The following FSTL5 variants were observed in gnomAD, a reference collection of about 807,000 sequenced individuals.
FSTL5 encodes the protein follistatin-related protein 5.
A neutral mutation model predicts 89.1 loss-of-function variants in FSTL5; 62 were observed. The observed-to-expected ratio is 0.70, with a 90% CI of 0.57 to 0.86. The LOEUF (loss-of-function observed/expected upper bound fraction) is 0.86, where lower values mean the gene tolerates loss of function less well. Among genes scored for constraint, FSTL5 ranks in the 40% least tolerant of loss-of-function variants. FSTL5 has a pLI of 0.00. For synonymous variants in FSTL5, 383 were observed against 346.2 expected (o/e 1.11, Z -1.18); for missense variants, 1,057 against 1,001.6 (o/e 1.06, Z -0.75).
At chr4:162,081,925 C>G (rs543960156) in intron 2 of FSTL5, among the ~76,000 whole-genome samples, 20 of 151,612 alleles carry the variant, frequency 1.3e-4, no homozygotes, top group Middle Eastern at 3.4e-3. Context: ...CCTAATAAAA[C>G]ATCTTAAACA....
At chr4:161,685,189 C>T (rs1737671086) in intron 6 of FSTL5, among the ~76,000 whole-genome samples, 1 of 152,066 alleles carries the variant, frequency 6.6e-6, no homozygotes, top group African/African-American at 2.4e-5. Context: ...TGTGGTGTCT[C>T]CAGATATGTT....
chr4:161,573,812 G>T (rs1285371549), intron 8 of FSTL5, among the ~76,000 whole-genome samples: 1 of 143,942 alleles, frequency 6.9e-6, no homozygotes, highest in Non-Finnish European at 1.5e-5. Flanking sequence ...GAAAACAAAA[G>T]AAAAGACAGA....
At chr4:161,869,512 G>A (rs17536537) in intron 4 of FSTL5, among the ~76,000 whole-genome samples, 2,545 of 152,268 alleles carry the variant, frequency 0.017, 37 homozygotes, top group South Asian at 0.027. Flanking sequence ...TCTAGGTAGA[G>A]ATTATGCTAA....
chr4:161,748,330 A>G (rs576143236), intron 6 of FSTL5, among the ~76,000 whole-genome samples: 22 of 152,300 alleles, frequency 1.4e-4, no homozygotes, highest in South Asian at 2.1e-4. Context: ...ACCTTTTTAA[A>G]CATAAATATG....
chr4:161,419,687 A>T (rs1426219103), intron 15 of FSTL5, among the ~76,000 whole-genome samples: 1 of 152,162 alleles, frequency 6.6e-6, no homozygotes, highest in East Asian at 1.9e-4. Context: ...ACTCAGAATA[A>T]ATTGCAACTG....
chr4:161,453,287 G>T (rs562639825), intron 15 of FSTL5, among the ~76,000 whole-genome samples: 2 of 152,100 alleles, frequency 1.3e-5, no homozygotes, highest in South Asian at 4.2e-4. Context: ...TAGGGAATAG[G>T]CAAGTGAGAT....
At chr4:162,154,653 C>T (rs1420865833) in intron 1 of FSTL5, among the ~76,000 whole-genome samples, 1 of 152,084 alleles carries the variant, frequency 6.6e-6, no homozygotes, top group Non-Finnish European at 1.5e-5. Flanking sequence ...GATGACCAAA[C>T]TCTAATATCA....
intron 6 of FSTL5, among the ~76,000 whole-genome samples, chr4:161,718,317 C>T (rs1739068180): frequency 6.6e-6 from 1 of 152,064 alleles, no homozygotes; most frequent in African/African-American, 2.4e-5. Flanking sequence ...AATTTATGAA[C>T]AGCATCTTGG....
At chr4:161,857,621 CTA>C (rs1191214637) in intron 4 of FSTL5, among the ~76,000 whole-genome samples, 1 of 152,058 alleles carries the variant, frequency 6.6e-6, no homozygotes, top group Non-Finnish European at 1.5e-5. Flanking sequence ...AAATTTATCT[CTA>C]TTTTAATTAT....
chr4:161,499,647 C>T (rs537200366), intron 12 of FSTL5, among the ~76,000 whole-genome samples: 12 of 152,188 alleles, frequency 7.9e-5, no homozygotes, highest in African/African-American at 2.4e-4. Context: ...AGCTTCCCAC[C>T]AGATTATGTA....
At chr4:161,680,169 A>C (rs1281213685) in intron 6 of FSTL5, among the ~76,000 whole-genome samples, 1 of 151,894 alleles carries the variant, frequency 6.6e-6, no homozygotes, top group Non-Finnish European at 1.5e-5. Context: ...TATGCTAAAA[A>C]TGAATATAAC....
chr4:162,107,029 C>T lies in FSTL5; in HGVS notation c.126+4242G>A, dbSNP rs533854912. Among the ~76,000 whole-genome samples the T allele has an allele frequency of 1.3e-4, 20 of 152,260 alleles. 1 individual carries two copies. In the South Asian group the frequency reaches 4.1e-3, roughly 32 times the overall value. On this transcript the variant is annotated intron_variant, in intron 2 of 15. Coordinates refer to ENST00000306100, the MANE Select transcript of FSTL5 (RefSeq NM_020116.5). ...ATGCATTGCATGGCACTTCTGCCCC[C>T]AACTCATTAGCCAGAACTAGACACA...
chr4:161,970,864 C>T (rs1560944123), intron 3 of FSTL5, among the ~76,000 whole-genome samples: 2 of 151,872 alleles, frequency 1.3e-5, no homozygotes, highest in African/African-American at 4.8e-5. Flanking sequence ...GCAATTGTAA[C>T]TGTATCAGTT....
rs756126068 is a variant in FSTL5, at chr4:162,122,026, CTG to C, written c.-16-10616_-16-10615del. Among the ~76,000 whole-genome samples the C allele has an allele frequency of 3.9e-5, 6 of 152,040 alleles. No homozygotes were observed. The South Asian group carries it at 6.2e-4, about 16-fold the overall frequency. On this transcript the variant is annotated intron_variant, in intron 1 of 15. Transcript: ENST00000306100. ...AACATACAAAGTACCTGCTAATTGA[CTG>C]TTTATGTTATAGGCAAGGCTTCTTC...
At chr4:161,909,546 G>GT (rs957155352) in intron 4 of FSTL5, among the ~76,000 whole-genome samples, 7 of 152,040 alleles carry the variant, frequency 4.6e-5, no homozygotes, top group East Asian at 3.9e-4. Context: ...GTTATCTCAT[G>GT]TTTTTTTCTC....
At chr4:161,983,802 T>C (rs917009712) in intron 3 of FSTL5, among the ~76,000 whole-genome samples, 1 of 152,126 alleles carries the variant, frequency 6.6e-6, no homozygotes, top group African/African-American at 2.4e-5. Flanking sequence ...CAAAATTATG[T>C]GATTCACATT....
At chr4:161,582,717 T>C (rs1733478115) in intron 8 of FSTL5, among the ~76,000 whole-genome samples, 1 of 152,206 alleles carries the variant, frequency 6.6e-6, no homozygotes, top group African/African-American at 2.4e-5. Flanking sequence ...ACTTTGCAAA[T>C]AAGGTGGCTA....
rs114603553 is a variant in FSTL5, at chr4:161,492,031, C to T, written c.1458+7985G>A. ...AATAGGATTATACAATATGCAGCCA[C>T]ATGTCAATTTCATCTCCATTTTATC... On this transcript the variant is annotated intron_variant, in intron 12 of 15. Transcript: ENST00000306100. 9.6e-3 allele frequency among the ~76,000 whole-genome samples: 1,468 copies of T among 152,262 alleles called. 22 individuals are homozygous for T. The highest frequency in any genetic ancestry group is 0.032 in the African/African-American group (1,350 of 41,546).
chr4:161,454,923 A>C (rs1262937670), intron 15 of FSTL5, 81 bp downstream of exon 15: 6 of 1,331,094 alleles, frequency 4.5e-6, no homozygotes, highest in African/African-American at 4.4e-5. Context: ...TTCATATCTA[A>C]GTTTCTTTAC....
Sources: gnomAD v4.1 joint callset for allele counts (sites outside exome capture counted in the v4.1 genomes callset) on GRCh38, gnomAD v4.1.1 for gene constraint, MANE v1.5 for transcripts, NCBI Gene and HGNC (gene_info 2026-07-23, HGNC 2026-07-21) for gene names.